NRXN3: variants seen among roughly 807,000 people sequenced by gnomAD.
The protein encoded by NRXN3 is neurexin III.
Under a neutral mutation model 137.6 loss-of-function variants are expected in NRXN3, and 32 were observed. The ratio of observed to expected loss-of-function variants is 0.23; its 90% CI spans 0.18 to 0.31. The LOEUF (loss-of-function observed/expected upper bound fraction) is 0.31, where lower values mean the gene tolerates loss of function less well. NRXN3 is among the 10% of genes least tolerant of loss of function. The pLI, the probability that NRXN3 is intolerant of heterozygous loss-of-function variation, is 1.00. For missense variants in NRXN3, 1,574 were observed against 2,062.5 expected (o/e 0.76, Z 4.59); for synonymous variants, 798 against 784.5 (o/e 1.02, Z -0.29).
At chr14:79,535,674 CAT>C (rs1467599557) in intron 16 of NRXN3, among the ~76,000 whole-genome samples, 1 of 152,122 alleles carries the variant, frequency 6.6e-6, no homozygotes, top group Non-Finnish European at 1.5e-5. Context: ...TCAGAGCAAT[CAT>C]GTGGTGAAAG....
Position 79,583,654 on chromosome 14 carries a change from C to A in NRXN3, c.3445-80124C>A, listed in dbSNP as rs538283638. On this transcript the variant is annotated intron_variant, in intron 16 of 20. Transcript: ENST00000335750. ...CAAGCCACTCCAGAAAATGACCATG[C>A]AGTCACTGTAAGCAATTCCTCTAAA... is the stretch of plus-strand genomic sequence containing the variant. Among the ~76,000 whole-genome samples, 4 of 152,248 alleles carry A rather than the reference C, an allele frequency of 2.6e-5. No individual in the cohort carries two copies. The South Asian group carries it at 8.3e-4, about 32-fold the overall frequency.
intron 10 of NRXN3, among the ~76,000 whole-genome samples, chr14:78,929,126 G>A (rs926443215): frequency 1.3e-5 from 2 of 151,966 alleles, no homozygotes; most frequent in African/African-American, 2.4e-5. Context: ...CATATCCTTC[G>A]CCCACTTTTT....
chr14:78,889,196 A>G (rs575012998), intron 10 of NRXN3, among the ~76,000 whole-genome samples: 31 of 152,146 alleles, frequency 2.0e-4, no homozygotes, highest in African/African-American at 7.2e-4. Context: ...TTAACATGAC[A>G]AGCAAAAGAC....
chr14:78,504,117 T>A (rs2095935265), intron 4 of NRXN3, among the ~76,000 whole-genome samples: 1 of 152,164 alleles, frequency 6.6e-6, no homozygotes, highest in South Asian at 2.1e-4. Context: ...TTTCCCATCC[T>A]TGGTTGATCT....
At chr14:79,132,569 A>C (rs1002227179) in intron 15 of NRXN3, among the ~76,000 whole-genome samples, 1 of 152,188 alleles carries the variant, frequency 6.6e-6, no homozygotes, top group Non-Finnish European at 1.5e-5. Flanking sequence ...AAAATTATAT[A>C]TTTGCTTTGC....
In NRXN3 at chr14:78,533,543, A is replaced by G. The variant is rs1215201223; in HGVS notation, c.758-111577A>G. On this transcript the variant is annotated intron_variant, in intron 4 of 20. Transcript: ENST00000335750. ...GCCATTTTTCCTGCTTTTTGTTCCA[A>G]CCATCATTTACCTTGCTGTTCACCC... Among the ~76,000 whole-genome samples the G allele has an allele frequency of 2.0e-5, 3 of 152,086 alleles. No homozygotes were observed. The East Asian group carries it at 5.8e-4, about 29-fold the overall frequency.
Position 79,821,816 on chromosome 14 carries a change from T to A in NRXN3, c.4093+16626T>A, listed in dbSNP as rs552025658. On this transcript the variant is annotated intron_variant, in intron 20 of 20. Transcript: ENST00000335750. ...TGATGCCTACAAAGATAAACTGATTTGCTGAAGGTCATGGACCTAGTCTTT... is the reference window on the plus strand; with the variant it reads ...TGATGCCTACAAAGATAAACTGATTAGCTGAAGGTCATGGACCTAGTCTTT... Among the ~76,000 whole-genome samples the A allele has an allele frequency of 2.6e-5, 4 of 152,186 alleles. No homozygotes were observed. In the South Asian group the frequency reaches 6.2e-4, roughly 24 times the overall value.
At chr14:78,459,218 C>T (rs2094845877) in intron 4 of NRXN3, among the ~76,000 whole-genome samples, 1 of 152,128 alleles carries the variant, frequency 6.6e-6, no homozygotes. Flanking sequence ...GTGAGTAGGG[C>T]ATCAAAAGAT....
At chr14:78,748,763 T>C (rs2098626687) in intron 8 of NRXN3, among the ~76,000 whole-genome samples, 1 of 152,156 alleles carries the variant, frequency 6.6e-6, no homozygotes, top group Non-Finnish European at 1.5e-5. Context: ...GCACTGTTCA[T>C]AGGAGATTTA....
At chr14:79,375,616 T>C (rs960452979) in intron 15 of NRXN3, among the ~76,000 whole-genome samples, 4 of 152,070 alleles carry the variant, frequency 2.6e-5, no homozygotes, top group Admixed American at 2.0e-4. Context: ...GCTGTGTTGT[T>C]CTTCCGATGA....
At chr14:78,847,387 G>A (rs2099030151) in intron 10 of NRXN3, among the ~76,000 whole-genome samples, 1 of 152,082 alleles carries the variant, frequency 6.6e-6, no homozygotes. Context: ...ATCTTGCCCA[G>A]AATTTGATGG....
At chr14:79,300,478 G>A (rs2084946157) in intron 15 of NRXN3, among the ~76,000 whole-genome samples, 1 of 152,006 alleles carries the variant, frequency 6.6e-6, no homozygotes, top group African/African-American at 2.4e-5. Flanking sequence ...GATAGACGGG[G>A]GATGATGATG....
intron 16 of NRXN3, among the ~76,000 whole-genome samples, chr14:79,539,773 T>G (rs1349506345): frequency 2.0e-5 from 3 of 152,194 alleles, no homozygotes; most frequent in Non-Finnish European, 4.4e-5. Flanking sequence ...TAAAGCCACT[T>G]ATAGGAGACA....
At chr14:79,229,113 C>CT in intron 15 of NRXN3, among the ~76,000 whole-genome samples, 1 of 152,092 alleles carries the variant, frequency 6.6e-6, no homozygotes, top group Non-Finnish European at 1.5e-5. Context: ...CCATCATAGT[C>CT]TTTTTTTCCT....
intron 15 of NRXN3, among the ~76,000 whole-genome samples, chr14:79,390,106 A>G (rs1037882437): frequency 3.9e-5 from 6 of 151,974 alleles, no homozygotes; most frequent in Non-Finnish European, 8.8e-5. Context: ...TCACGAGGTC[A>G]GGAGATCCAG....
At chr14:78,746,394 T>C (rs972440480) in intron 8 of NRXN3, among the ~76,000 whole-genome samples, 9 of 152,236 alleles carry the variant, frequency 5.9e-5, no homozygotes, top group African/African-American at 1.7e-4. Flanking sequence ...ACTCTTTCCC[T>C]GGAGTGTGTA....
rs185502721 is a variant in NRXN3, at chr14:78,297,892, G to T, written c.757+32G>T. On this transcript the variant is annotated intron_variant, in intron 4 of 20. Transcript: ENST00000335750. Reference sequence around the variant, plus strand: ...GCTTTGTGCTTGTGGTCCTGCAGCTGCCTGAACTGCTTGCCTCCGTGCCTC... The same window carrying T: ...GCTTTGTGCTTGTGGTCCTGCAGCTTCCTGAACTGCTTGCCTCCGTGCCTC... The T allele has an allele frequency of 7.5e-5, 115 of 1,535,878 alleles. No homozygotes were observed. The East Asian group carries it at 2.7e-3, about 36-fold the overall frequency.
At chr14:78,307,202 G>GT (rs34790053) in intron 4 of NRXN3, among the ~76,000 whole-genome samples, 63 of 147,380 alleles carry the variant, frequency 4.3e-4, no homozygotes, top group Admixed American at 1.7e-3. Context: ...CAGCTTAAAG[G>GT]TTTTTTTTTT....
At chr14:79,374,415 T>G (rs11159404) in intron 15 of NRXN3, among the ~76,000 whole-genome samples, 68,548 of 151,706 alleles carry the variant, frequency 0.45, 15,727 homozygotes, top group Middle Eastern at 0.59. Context: ...TAAGATTAAC[T>G]AAAGGGACTC....
Sources: gnomAD v4.1 joint callset for allele counts (sites outside exome capture counted in the v4.1 genomes callset) on GRCh38, gnomAD v4.1.1 for gene constraint, MANE v1.5 for transcripts, NCBI Gene and HGNC (gene_info 2026-07-23, HGNC 2026-07-21) for gene names.